Variants in MAD1L1 observed in about 807,000 individuals in gnomAD.
The protein encoded by MAD1L1 is mitotic arrest deficient 1 like 1.
A neutral mutation model predicts 96.9 loss-of-function variants in MAD1L1; 95 were observed. The ratio of observed to expected loss-of-function variants is 0.98; its 90% CI spans 0.83 to 1.16. The LOEUF is 1.16. MAD1L1 is among the 50% of genes most tolerant of loss of function. MAD1L1 has a pLI of 0.00. For synonymous variants in MAD1L1, 473 were observed against 396.6 expected, an observed-to-expected ratio of 1.19 and a Z score of -2.29; for missense variants, 1,007 against 954.4, an observed-to-expected ratio of 1.06 and a Z score of -0.73.
At chr7:1,881,250 T>A (rs933270238) in intron 18 of MAD1L1, among the ~76,000 whole-genome samples, 2 of 152,212 alleles carry the variant, frequency 1.3e-5, no homozygotes, top group Non-Finnish European at 2.9e-5. Flanking sequence ...GCATTTGAAT[T>A]AACCCATTTA....
At chr7:1,841,982 C>T (rs1783289215) in intron 18 of MAD1L1, among the ~76,000 whole-genome samples, 2 of 152,346 alleles carry the variant, frequency 1.3e-5, no homozygotes, top group African/African-American at 2.4e-5. Context: ...TCGCCGCGCT[C>T]GGCCGCCATC....
chr7:2,150,927 T>A (rs1389106345), intron 10 of MAD1L1, among the ~76,000 whole-genome samples: 1 of 152,168 alleles, frequency 6.6e-6, no homozygotes, highest in African/African-American at 2.4e-5. Context: ...GGAGACCCCA[T>A]CTGTCCTCAC....
At chr7:2,230,323 C>T (rs1367504370) in intron 2 of MAD1L1, 180 bp from the exon 3 acceptor site, 2 of 533,648 alleles carry the variant, frequency 3.7e-6, no homozygotes, top group Non-Finnish European at 6.7e-6. Context: ...ATTTACCAGA[C>T]AAAAAATGGA....
rs749388509 is a variant in MAD1L1 at position 2,219,374 on chromosome 7, G to A, written c.554C>T (p.Ser185Leu). 8 of 1,605,338 alleles carry A rather than the reference G, an allele frequency of 5.0e-6. No individual in the cohort carries two copies. In the East Asian group the frequency reaches 9.0e-5, roughly 18 times the overall value. The change falls in exon 6 of 19, where the codon TCG becomes TTG. Residue 185 changes from serine to leucine, a missense_variant. Physicochemically the swap from Ser to Leu is moderately radical, Grantham distance 145. Coordinates refer to ENST00000265854, the MANE Select transcript of MAD1L1 (RefSeq NM_001013836.2). ...CTGCTCCTGCAGCTCCTGCTTCTCC[G>A]ACTCCAGGCGCTTCACCCGCATCTC... Reference protein sequence around the residue: ...DQEMRVKRLESEKQELQEQLD... With the variant: ...DQEMRVKRLELEKQELQEQLD...
In MAD1L1 at chr7:2,216,168, G is replaced by T; in HGVS notation, c.798C>A (p.Ser266Arg). Residue 266 changes from serine to arginine, a missense_variant, in exon 8 of 19, where the codon AGC (serine) becomes AGA (arginine). Ser to Arg is a moderately radical substitution (Grantham distance 110). Coordinates refer to ENST00000265854, the MANE Select transcript of MAD1L1 (RefSeq NM_001013836.2). ...ERELKQLREE[S>R]AHLREMRETN... ...CCGCAACCCCTCACCGCAGGTGCGC[G>T]CTCTCCTCCCGCAGCTGCTTCAGCT... 6.2e-7 allele frequency: 1 copy of T among 1,612,972 alleles called. No individual in the cohort carries two copies. Among genetic ancestry groups the T allele is most frequent in the Non-Finnish European group, 8.5e-7 (1 of 1,179,878 alleles).
At chr7:1,922,071 C>A (rs1583796611) in intron 17 of MAD1L1, among the ~76,000 whole-genome samples, 1 of 152,370 alleles carries the variant, frequency 6.6e-6, no homozygotes, top group South Asian at 2.1e-4. Flanking sequence ...CTCCCTGAGG[C>A]AGCTCTGACG....
chr7:2,212,120 G>A (rs1267264550), intron 10 of MAD1L1, among the ~76,000 whole-genome samples: 3 of 152,254 alleles, frequency 2.0e-5, no homozygotes, highest in Non-Finnish European at 4.4e-5. Flanking sequence ...CGCGACTGAA[G>A]GGCAGGGGCC....
chr7:2,201,506 C>T (rs1003111396), intron 10 of MAD1L1, among the ~76,000 whole-genome samples: 5 of 152,154 alleles, frequency 3.3e-5, no homozygotes, highest in Admixed American at 6.5e-5. Context: ...GGGATGCCAC[C>T]GCCTCCTCTA....
intron 11 of MAD1L1, among the ~76,000 whole-genome samples, chr7:2,073,083 C>G (rs933506664): frequency 5.9e-4 from 90 of 152,310 alleles, no homozygotes; most frequent in African/African-American, 2.1e-3. Flanking sequence ...AGGCCCACAT[C>G]CCACTCTCTG....
intron 18 of MAD1L1, among the ~76,000 whole-genome samples, chr7:1,894,678 A>G (rs1786756391): frequency 6.6e-6 from 1 of 152,076 alleles, no homozygotes; most frequent in African/African-American, 2.4e-5. Context: ...GGGCGCAGGA[A>G]GGTCTGGGAG....
At chr7:1,908,065 T>G (rs1011461015) in intron 17 of MAD1L1, among the ~76,000 whole-genome samples, 2 of 152,304 alleles carry the variant, frequency 1.3e-5, no homozygotes, top group East Asian at 3.9e-4. Context: ...GACAGTACGT[T>G]TGCCCACACA....
Position 1,936,794 on chromosome 7 carries a change from T to C in MAD1L1, c.1700A>G (p.Glu567Gly). 1 of 1,588,010 alleles carries C rather than the reference T, an allele frequency of 6.3e-7. No homozygotes were observed. Among genetic ancestry groups the C allele is most frequent in the Non-Finnish European group, 8.6e-7 (1 of 1,168,254 alleles). The change falls in exon 17 of 19, where the codon GAG becomes GGG. Residue 567 changes from glutamate (E) to glycine (G), a missense_variant. Glu to Gly is a moderately conservative substitution (Grantham distance 98). Coordinates refer to ENST00000265854, the MANE Select transcript of MAD1L1 (RefSeq NM_001013836.2). ...CAGGAGCCCGCGCAGTCGCTCGCACTCCGCCTGCAGCTGGCTGTGGTCCTC... is the reference window on the plus strand; with the variant it reads ...CAGGAGCCCGCGCAGTCGCTCGCACCCCGCCTGCAGCTGGCTGTGGTCCTC... ...LREDHSQLQA[E>G]CERLRGLLRA...
chr7:2,209,703 C>T (rs1792800088), intron 10 of MAD1L1, among the ~76,000 whole-genome samples: 1 of 152,186 alleles, frequency 6.6e-6, no homozygotes, highest in South Asian at 2.1e-4. Context: ...CGGGCCTCGG[C>T]AAGCCCCAAA....
At chr7:1,834,024 G>C (rs1277525720) in intron 18 of MAD1L1, among the ~76,000 whole-genome samples, 1 of 152,216 alleles carries the variant, frequency 6.6e-6, no homozygotes, top group African/African-American at 2.4e-5. Context: ...ATTAGTAACA[G>C]AACGGCATCT....
chr7:2,224,902 A>C (rs945260310), intron 4 of MAD1L1, among the ~76,000 whole-genome samples: 2 of 152,118 alleles, frequency 1.3e-5, no homozygotes, highest in African/African-American at 4.8e-5. Flanking sequence ...CCCAGCATGG[A>C]CCCGAGACCC....
rs536828999 is a variant in MAD1L1, at chr7:2,098,002, C to T, written c.1074-28664G>A. On this transcript the variant is annotated intron_variant, in intron 11 of 18. Coordinates refer to ENST00000265854, the MANE Select transcript of MAD1L1 (RefSeq NM_001013836.2). Reference sequence around the variant, plus strand: ...GGTGTCGCACTGGATCAAAGTAAGACGGAACTGAGAGGAAGCTTCACCTCC... The same window carrying T: ...GGTGTCGCACTGGATCAAAGTAAGATGGAACTGAGAGGAAGCTTCACCTCC... Among the ~76,000 whole-genome samples the T allele has an allele frequency of 1.1e-4, 17 of 152,324 alleles. 1 individual carries two copies. In the South Asian group the frequency reaches 2.5e-3, roughly 22 times the overall value.
chr7:1,870,339 T>G (rs1326307980), intron 18 of MAD1L1, among the ~76,000 whole-genome samples: 143 of 107,800 alleles, frequency 1.3e-3, no homozygotes, highest in Admixed American at 3.0e-3. Context: ...ACGGTGAACC[T>G]ACCGTAACAC....
chr7:2,073,390 C>T (rs945002231), intron 11 of MAD1L1, among the ~76,000 whole-genome samples: 3 of 152,222 alleles, frequency 2.0e-5, no homozygotes, highest in East Asian at 1.9e-4. Context: ...CCCGACCCCT[C>T]GGACCCTTGC....
At chr7:2,212,278 C>T (rs1297354900) in intron 10 of MAD1L1, among the ~76,000 whole-genome samples, 2 of 152,214 alleles carry the variant, frequency 1.3e-5, no homozygotes, top group Non-Finnish European at 2.9e-5. Flanking sequence ...GGCAGCTCCA[C>T]CCCACATCCC....
Sources: gnomAD v4.1 joint callset for allele counts (sites outside exome capture counted in the v4.1 genomes callset) on GRCh38, gnomAD v4.1.1 for gene constraint, MANE v1.5 for transcripts, NCBI Gene and HGNC (gene_info 2026-07-23, HGNC 2026-07-21) for gene names.